WARS1: variants seen among roughly 807,000 people sequenced by gnomAD.
WARS1 encodes tryptophan--tRNA ligase, cytoplasmic.
A neutral mutation model predicts 47.8 loss-of-function variants in WARS1; 17 were observed. The observed-to-expected ratio is 0.36, with a 90% confidence interval of 0.24 to 0.53. The LOEUF is 0.53. Among genes scored for constraint, WARS1 ranks in the 20% least tolerant of loss-of-function variants. The pLI is 0.91. For missense variants in WARS1, 434 were observed against 608.0 expected (o/e 0.71, Z 3.01); for synonymous variants, 208 against 228.1 (o/e 0.91, Z 0.79).
At position 100,343,263 on chromosome 14, in the gene WARS1, C is replaced by T. The variant is rs1433974079; in HGVS notation, c.939+12G>A. 1.9e-6 allele frequency: 3 copies of T among 1,599,362 alleles called. No individual in the cohort carries two copies. Among genetic ancestry groups the T allele is most frequent in the Non-Finnish European group, 2.6e-6 (3 of 1,172,312 alleles). ...CCCAGACTTAGAGAGCCTTGCTTTT[C>T]TGCCTGCTGACCTGGTCAATGGCAC... On this transcript the variant is annotated intron_variant, in intron 8 of 10. Transcript: ENST00000392882.
At chr14:100,354,400 C>T (rs755060908) in intron 5 of WARS1, 47 bp downstream of exon 5, 24 of 1,589,044 alleles carry the variant, frequency 1.5e-5, no homozygotes, top group Non-Finnish European at 2.6e-6. Context: ...AAGCAACATT[C>T]TCAATTCACT....
intron 4 of WARS1, among the ~76,000 whole-genome samples, chr14:100,357,660 C>T (rs948435173): frequency 2.0e-5 from 3 of 152,040 alleles, no homozygotes; most frequent in Non-Finnish European, 4.4e-5. Flanking sequence ...GTGGTTTCAC[C>T]ATGTTGGTCA....
rs75370939 is a variant in WARS1 at position 100,345,712 on chromosome 14, A to G, written c.826+1034T>C. 3.4e-3 allele frequency among the ~76,000 whole-genome samples: 516 copies of G among 152,262 alleles called. 6 individuals carry two copies. Among genetic ancestry groups the G allele is most frequent in the African/African-American group, 0.012 (488 of 41,536 alleles). On this transcript the variant is annotated intron_variant, in intron 7 of 10. Transcript: ENST00000392882. ...AAGAAGTTATGATGAATGTATTTTG[A>G]TATTTAAAAGTGTTTAGTGTTTTGG...
chr14:100,373,797 G>C lies in WARS1; in HGVS notation c.-74+1486C>G, dbSNP rs146084741. On this transcript the variant is annotated intron_variant, in intron 1 of 10. Coordinates refer to ENST00000392882, the MANE Select transcript of WARS1 (RefSeq NM_004184.4). This position sits in a 1 kb window ranked among gnomAD's most constrained non-coding sequence, Gnocchi z 4.4. ...CATGATCACAAGGCATATACTTTGC[G>C]TGGGAATCATCCACACTATTGAAAT... 6.6e-6 allele frequency among the ~76,000 whole-genome samples: 1 copy of C among 151,386 alleles called. No individual in the cohort carries two copies. The highest frequency in any genetic ancestry group is 1.9e-4 in the East Asian group (1 of 5,166).
chr14:100,366,213 A>T, intron 2 of WARS1: 1 of 425,122 alleles, frequency 2.4e-6, no homozygotes, highest in Non-Finnish European at 4.7e-6. Flanking sequence ...TCTCCCACTC[A>T]GCCGTAGAAC....
chr14:100,346,386 C>A (rs1894622239), intron 7 of WARS1, among the ~76,000 whole-genome samples: 1 of 152,210 alleles, frequency 6.6e-6, no homozygotes, highest in African/African-American at 2.4e-5. Context: ...TTCTTCATCA[C>A]CCCTGGGTTC....
intron 4 of WARS1, among the ~76,000 whole-genome samples, chr14:100,357,123 A>T (rs1895369887): frequency 6.6e-6 from 1 of 152,204 alleles, no homozygotes; most frequent in Non-Finnish European, 1.5e-5. Flanking sequence ...TCATAATAAA[A>T]ACACATGTTG....
intron 7 of WARS1, 92 bp from the exon 8 acceptor site, chr14:100,343,479 T>G: frequency 1.2e-6 from 1 of 852,232 alleles, no homozygotes; most frequent in Admixed American, 3.0e-5. Context: ...TTTCTCCCAT[T>G]ATAAAACAAT....
chr14:100,362,377 C>T (rs183335134), intron 2 of WARS1, among the ~76,000 whole-genome samples: 8 of 152,200 alleles, frequency 5.3e-5, no homozygotes, highest in South Asian at 2.1e-4. Flanking sequence ...TGAATATTTA[C>T]GTTAACTTAA....
intron 2 of WARS1, chr14:100,365,631 A>G (rs909986118): frequency 4.5e-5 from 8 of 176,758 alleles, no homozygotes; most frequent in Non-Finnish European, 8.5e-5. Flanking sequence ...GCCGGAGTGG[A>G]GTCACCCCAG....
intron 9 of WARS1, among the ~76,000 whole-genome samples, chr14:100,340,936 C>T (rs35384251): frequency 0.18 from 24,866 of 136,108 alleles, 2,398 homozygotes; most frequent in Non-Finnish European, 0.23. Flanking sequence ...TTTTTTTGAG[C>T]TGGAGTCTCA....
chr14:100,341,262 T>G (rs1164299974), intron 9 of WARS1, among the ~76,000 whole-genome samples: 1 of 152,146 alleles, frequency 6.6e-6, no homozygotes, highest in African/African-American at 2.4e-5. Context: ...AATAAAACAG[T>G]GGACTTTTCC....
intron 2 of WARS1, chr14:100,368,425 G>A (rs1264452049): frequency 6.6e-6 from 3 of 455,950 alleles, no homozygotes; most frequent in African/African-American, 6.0e-5. Flanking sequence ...GGAAGTGGTT[G>A]TGAAGGTACG....
upstream of WARS1, chr14:100,375,502 T>C (rs767594193): frequency 6.6e-6 from 1 of 152,350 alleles, no homozygotes; most frequent in African/African-American, 2.4e-5. Flanking sequence ...ACTTGAGCTC[T>C]TGACCAACCT....
rs1469146420 is a variant in WARS1, at chr14:100,366,911, A to G, written c.99+2176T>C. On this transcript the variant is annotated intron_variant, in intron 2 of 10. Coordinates refer to ENST00000392882, the MANE Select transcript of WARS1 (RefSeq NM_004184.4). ...CCTGGAGTCCCTGAATAAAGATAAG[A>G]AGCATCACTGAAGATAATACCTGGA... is the stretch of plus-strand genomic sequence containing the variant. The G allele has an allele frequency of 2.4e-5, 39 of 1,609,020 alleles. No individual in the cohort carries two copies. The East Asian group carries it at 7.8e-4, about 32-fold the overall frequency.
At position 100,351,334 on chromosome 14, in the gene WARS1, T is replaced by C. The variant is rs536672262; in HGVS notation, c.725+2353A>G. Among the ~76,000 whole-genome samples, 11 of 151,884 alleles carry C rather than the reference T, an allele frequency of 7.2e-5. No individual in the cohort carries two copies. In the East Asian group the frequency reaches 1.6e-3, roughly 21 times the overall value. ...ATCATTGTATGGAATGGGGTGAGAA[T>C]AAGGAAATAAAGTGCCATGAAAATT... On this transcript the variant is annotated intron_variant, in intron 6 of 10. Coordinates refer to ENST00000392882, the MANE Select transcript of WARS1 (RefSeq NM_004184.4).
At chr14:100,374,945 T>C (rs1026759720) in intron 1 of WARS1, 3 of 152,236 alleles carry the variant, frequency 2.0e-5, no homozygotes, top group Admixed American at 2.0e-4. Context: ...AAGACATTAA[T>C]TTCTATGAAG....
At chr14:100,344,608 G>T (rs1233243348) in intron 7 of WARS1, among the ~76,000 whole-genome samples, 19 of 149,780 alleles carry the variant, frequency 1.3e-4, no homozygotes, top group Admixed American at 1.1e-3. Flanking sequence ...GAGCGTCTCT[G>T]CCCGGCCGCC....
intron 6 of WARS1, chr14:100,353,003 A>G (rs1043807644): frequency 1.3e-5 from 2 of 152,370 alleles, no homozygotes; most frequent in Middle Eastern, 3.4e-3. Context: ...GGAGGAAGAC[A>G]TAACTCTGGA....
Sources: gnomAD v4.1 joint callset for allele counts (sites outside exome capture counted in the v4.1 genomes callset) on GRCh38, gnomAD v4.1.1 for gene constraint, Gnocchi (gnomAD v3.1) non-coding constraint, MANE v1.5 for transcripts, NCBI Gene and HGNC (gene_info 2026-07-23, HGNC 2026-07-21) for gene names.